NKAIN1: variants seen among roughly 807,000 people sequenced by gnomAD.
The protein encoded by NKAIN1 is sodium/potassium-transporting ATPase subunit beta-1-interacting protein 1.
In NKAIN1, 13 loss-of-function variants were observed where a neutral mutation model predicts 31.6. The ratio of observed to expected loss-of-function variants is 0.41; its 90% CI spans 0.27 to 0.65. The LOEUF (loss-of-function observed/expected upper bound fraction) is 0.65, where lower values mean the gene tolerates loss of function less well. Ranked by LOEUF, NKAIN1 falls within the 30% of genes least tolerant of loss-of-function variation. The probability of loss-of-function intolerance (pLI) is 0.30; values close to 1 mark genes in which losing one functional copy is unlikely to be tolerated. For synonymous variants in NKAIN1, 104 were observed against 109.0 expected (o/e 0.95, Z 0.28); for missense variants, 193 against 262.2 (o/e 0.74, Z 1.82).
At chr1:31,212,400 TTC>T (rs1375600941) in intron 1 of NKAIN1, among the ~76,000 whole-genome samples, 1 of 64,070 alleles carries the variant, frequency 1.6e-5, no homozygotes, top group Non-Finnish European at 4.3e-5. Flanking sequence ...AGGTAATAGT[TTC>T]TTTTTTTTTT....
intron 1 of NKAIN1, among the ~76,000 whole-genome samples, chr1:31,224,582 C>T (rs973815042): frequency 6.6e-6 from 1 of 152,200 alleles, no homozygotes; most frequent in African/African-American, 2.4e-5. Flanking sequence ...ACCACAGCCC[C>T]CAAATGTCCC....
chr1:31,204,575 CA>C (rs1645409181), intron 1 of NKAIN1, among the ~76,000 whole-genome samples: 1 of 152,116 alleles, frequency 6.6e-6, no homozygotes, highest in African/African-American at 2.4e-5. Context: ...GCACTTAAGA[CA>C]GGGGTGAAGG....
intron 1 of NKAIN1, among the ~76,000 whole-genome samples, chr1:31,227,067 T>C (rs1427185753): frequency 1.3e-5 from 2 of 152,182 alleles, no homozygotes; most frequent in Admixed American, 1.3e-4. Context: ...TCAAGTGATC[T>C]GCCTGCCCTG....
At chr1:31,183,006 T>C (rs1239348658) in intron 4 of NKAIN1, among the ~76,000 whole-genome samples, 1 of 151,986 alleles carries the variant, frequency 6.6e-6, no homozygotes, top group Non-Finnish European at 1.5e-5. Context: ...CCTTCTTTCT[T>C]TCAGACAGGG....
rs531906048 is a variant in NKAIN1, at chr1:31,233,727, G to T, written c.54+5767C>A. Reference sequence around the variant, plus strand: ...CTGACGTGACTTGTCCAAGTCTCAAGGCAAATCATAGCTAGCCCTGGAGAG... The same window carrying T: ...CTGACGTGACTTGTCCAAGTCTCAATGCAAATCATAGCTAGCCCTGGAGAG... On this transcript the variant is annotated intron_variant, in intron 1 of 6. Coordinates refer to ENST00000373736, the MANE Select transcript of NKAIN1 (RefSeq NM_024522.3). The surrounding 1 kb of genome is among the most constrained non-coding windows in gnomAD (Gnocchi z 4.0). 4.6e-5 allele frequency among the ~76,000 whole-genome samples: 7 copies of T among 152,302 alleles called. No individual in the cohort carries two copies. The South Asian group carries it at 1.4e-3, about 32-fold the overall frequency.
At chr1:31,205,424 T>C (rs755450609) in intron 1 of NKAIN1, among the ~76,000 whole-genome samples, 1 of 152,072 alleles carries the variant, frequency 6.6e-6, no homozygotes, top group Non-Finnish European at 1.5e-5. Flanking sequence ...TTCTCCTGCT[T>C]TAGCCTCCTG....
chr1:31,219,268 C>T (rs980844040), intron 1 of NKAIN1, among the ~76,000 whole-genome samples: 4 of 152,266 alleles, frequency 2.6e-5, no homozygotes. Context: ...AGCTATCAGT[C>T]CCATTTCTGG....
intron 1 of NKAIN1, among the ~76,000 whole-genome samples, chr1:31,219,636 G>A (rs576426543): frequency 2.0e-5 from 3 of 152,372 alleles, no homozygotes; most frequent in Non-Finnish European, 4.4e-5. Context: ...CCCCTGTAGC[G>A]GGGCTGTGGT....
intron 1 of NKAIN1, among the ~76,000 whole-genome samples, chr1:31,203,511 C>A (rs1206507838): frequency 6.6e-6 from 1 of 151,664 alleles, no homozygotes; most frequent in African/African-American, 2.4e-5. Flanking sequence ...AATTTGTTAA[C>A]TCTAGGGAAT....
chr1:31,194,916 C>T (rs1014145540), intron 1 of NKAIN1, among the ~76,000 whole-genome samples: 4 of 151,202 alleles, frequency 2.6e-5, no homozygotes, highest in Admixed American at 6.6e-5. Flanking sequence ...GGATTACAGG[C>T]GAGTGCCACC....
At chr1:31,211,962 C>G (rs965529790) in intron 1 of NKAIN1, among the ~76,000 whole-genome samples, 67 of 151,748 alleles carry the variant, frequency 4.4e-4, no homozygotes, top group African/African-American at 1.5e-3. Flanking sequence ...CAAAACAAAA[C>G]AAAACAAAAA....
intron 1 of NKAIN1, among the ~76,000 whole-genome samples, chr1:31,237,245 T>G (rs116364071): frequency 6.6e-6 from 1 of 152,190 alleles, no homozygotes; most frequent in Non-Finnish European, 1.5e-5. Flanking sequence ...AGTGAGCCCA[T>G]GTCTCAAACA....
At chr1:31,231,929 T>C (rs1281420658) in intron 1 of NKAIN1, among the ~76,000 whole-genome samples, 4 of 150,906 alleles carry the variant, frequency 2.7e-5, no homozygotes, top group African/African-American at 4.9e-5. Context: ...TTTTTTTTAA[T>C]TTTTTTTGAG....
chr1:31,193,427 T>C (rs2148351912), intron 1 of NKAIN1, among the ~76,000 whole-genome samples: 1 of 151,914 alleles, frequency 6.6e-6, no homozygotes, highest in Non-Finnish European at 1.5e-5. Context: ...GCCGGTGCAG[T>C]GGCTCACACT....
At chr1:31,186,193 T>G (rs1645241505) in intron 2 of NKAIN1, among the ~76,000 whole-genome samples, 3 of 151,826 alleles carry the variant, frequency 2.0e-5, no homozygotes, top group Admixed American at 1.3e-4. Context: ...AGAAACCCTG[T>G]CTCTATTAAA....
rs540670823 is a variant in NKAIN1, at chr1:31,185,423, A to G, written c.193-96T>C. On this transcript the variant is annotated intron_variant, in intron 2 of 6. Transcript: ENST00000373736. The stretch of plus-strand genomic sequence containing the variant: ...AGCTCAGGGATGAGGAGATCTGGGC[A>G]GGGGAAATTATGAGAATACCTCACT... 6.2e-6 allele frequency: 6 copies of G among 960,896 alleles called. No individual in the cohort carries two copies. In the African/African-American group the frequency reaches 9.7e-5, roughly 16 times the overall value. The allele number at this position is 960,896 out of a possible 1,614,324, so 59.5% of individuals were successfully genotyped here.
At chr1:31,229,701 G>C (rs1326724919) in intron 1 of NKAIN1, among the ~76,000 whole-genome samples, 1 of 152,048 alleles carries the variant, frequency 6.6e-6, no homozygotes, top group Non-Finnish European at 1.5e-5. Flanking sequence ...GTAAAGTCTT[G>C]AGCAAGCCAT....
At chr1:31,227,714 C>G (rs1185201945) in intron 1 of NKAIN1, among the ~76,000 whole-genome samples, 1 of 152,238 alleles carries the variant, frequency 6.6e-6, no homozygotes, top group South Asian at 2.1e-4. Flanking sequence ...GTAGGCAGGA[C>G]CCCCTGTCCA....
At chr1:31,205,915 G>A (rs1032153560) in intron 1 of NKAIN1, among the ~76,000 whole-genome samples, 20 of 150,836 alleles carry the variant, frequency 1.3e-4, no homozygotes, top group Non-Finnish European at 2.4e-4. Context: ...GAGCCACCGC[G>A]CCCGGCCCAG....
Sources: gnomAD v4.1 joint callset for allele counts (sites outside exome capture counted in the v4.1 genomes callset) on GRCh38, gnomAD v4.1.1 for gene constraint, Gnocchi (gnomAD v3.1) non-coding constraint, MANE v1.5 for transcripts, NCBI Gene and HGNC (gene_info 2026-07-23, HGNC 2026-07-21) for gene names.